The following CEP135 variants were observed in gnomAD, a reference collection of about 807,000 sequenced individuals.
CEP135 encodes centrosomal protein 135.
In CEP135, 142 loss-of-function variants were observed where a neutral mutation model predicts 157.3. The observed-to-expected ratio is 0.90, with a 90% confidence interval of 0.79 to 1.04. CEP135 has a LOEUF of 1.04. CEP135 is among the 50% of genes least tolerant of loss of function. The probability of loss-of-function intolerance (pLI) is 0.00; values close to 1 mark genes in which losing one functional copy is unlikely to be tolerated. For synonymous variants in CEP135, 396 were observed against 439.8 expected (o/e 0.90, Z 1.25); for missense variants, 1,317 against 1,309.2 (o/e 1.01, Z -0.09).
intron 10 of CEP135, among the ~76,000 whole-genome samples, chr4:55,973,842 C>G (rs1010927794): frequency 1.3e-5 from 2 of 152,140 alleles, no homozygotes; most frequent in African/African-American, 2.4e-5. Context: ...AACAAAACTG[C>G]TCTTGTTAAA....
chr4:56,025,216 A>G (rs1014835259), intron 25 of CEP135, among the ~76,000 whole-genome samples: 4 of 152,198 alleles, frequency 2.6e-5, no homozygotes, highest in African/African-American at 9.7e-5. Flanking sequence ...CCTGGGCTCA[A>G]GCAGTCCTCC....
chr4:55,958,721 C>G (rs1007264213), intron 5 of CEP135, among the ~76,000 whole-genome samples: 1 of 151,994 alleles, frequency 6.6e-6, no homozygotes, highest in Non-Finnish European at 1.5e-5. Context: ...AATGTTGGTT[C>G]CAGTTAACAT....
In CEP135 at chr4:55,954,368, G is replaced by T. The variant is rs749999636; in HGVS notation, c.457G>T (p.Val153Leu). The T allele has an allele frequency of 8.7e-6, 14 of 1,600,898 alleles. No homozygotes were observed. The highest frequency in any genetic ancestry group is 1.0e-5 in the Non-Finnish European group (12 of 1,176,168). ...ACTTCAAGAAAAGAATTTGCATGCT[G>T]TAGTACAAACTCCAGGTAAATCGAT... ...QQLQEKNLHA[V>L]VQTPGGKKRS... The change falls in exon 4 of 26, where the codon GTA becomes TTA. Residue 153 changes from valine (V) to leucine (L), a missense_variant. Transcript: ENST00000257287.
At chr4:55,984,780 T>G (rs546164046) in intron 13 of CEP135, among the ~76,000 whole-genome samples, 273 of 152,318 alleles carry the variant, frequency 1.8e-3, no homozygotes, top group Admixed American at 3.6e-3. Flanking sequence ...GATAAAGTAA[T>G]GTAACCAGAA....
intron 6 of CEP135, among the ~76,000 whole-genome samples, chr4:55,963,629 C>A (rs934777897): frequency 6.6e-6 from 1 of 152,102 alleles, no homozygotes; most frequent in South Asian, 2.1e-4. Flanking sequence ...ACCTGTAGTC[C>A]CAGCTACTCA....
chr4:56,011,015 C>CTTGA (rs1440924542), intron 19 of CEP135, among the ~76,000 whole-genome samples: 2 of 151,960 alleles, frequency 1.3e-5, no homozygotes, highest in Non-Finnish European at 2.9e-5. Context: ...GGGAGGATTG[C>CTTGA]TTGAGCCCAG....
intron 19 of CEP135, among the ~76,000 whole-genome samples, chr4:56,011,075 TA>T (rs928176477): frequency 6.8e-5 from 10 of 147,050 alleles, no homozygotes; most frequent in Non-Finnish European, 9.0e-5. Flanking sequence ...CTCAGAAAAT[TA>T]AAAAAAAAAA....
At chr4:55,979,940 A>T (rs1729344953) in intron 11 of CEP135, among the ~76,000 whole-genome samples, 1 of 152,200 alleles carries the variant, frequency 6.6e-6, no homozygotes, top group African/African-American at 2.4e-5. Flanking sequence ...TCTTCTGGGA[A>T]CTTGAAGGCC....
Position 55,971,421 on chromosome 4 carries a change from A to C in CEP135, c.1249+13A>C, listed in dbSNP as rs772964766. ...TTTGCAGTTACAGGTAAGATGTCAA[A>C]TTTTGATAGCTAAAGAATGATTGTG... is the stretch of plus-strand genomic sequence containing the variant. On this transcript the variant is annotated intron_variant, in intron 10 of 25. Coordinates refer to ENST00000257287, the MANE Select transcript of CEP135 (RefSeq NM_025009.5). The C allele has an allele frequency of 3.8e-6, 6 of 1,585,128 alleles. No individual in the cohort carries two copies. The highest frequency in any genetic ancestry group is 5.1e-6 in the Non-Finnish European group (6 of 1,170,986).
At chr4:55,968,219 C>T (rs1577873093) in intron 8 of CEP135, among the ~76,000 whole-genome samples, 2 of 152,162 alleles carry the variant, frequency 1.3e-5, no homozygotes, top group African/African-American at 4.8e-5. Context: ...ATGAAAAACC[C>T]TTACACTTGA....
At chr4:55,991,420 A>G (rs560034698) in intron 14 of CEP135, among the ~76,000 whole-genome samples, 57 of 146,682 alleles carry the variant, frequency 3.9e-4, no homozygotes, top group Non-Finnish European at 7.1e-4. Flanking sequence ...TGAATTTACT[A>G]TTATTTGAGG....
intron 8 of CEP135, among the ~76,000 whole-genome samples, chr4:55,968,683 G>T (rs1247009544): frequency 1.3e-5 from 2 of 152,092 alleles, no homozygotes; most frequent in South Asian, 4.1e-4. Flanking sequence ...TTTGATCTTG[G>T]CATTCTGTTC....
At chr4:56,005,719 CA>C (rs1347629635) in intron 17 of CEP135, among the ~76,000 whole-genome samples, 7 of 152,080 alleles carry the variant, frequency 4.6e-5, no homozygotes, top group African/African-American at 1.7e-4. Flanking sequence ...TTTCTTTTTG[CA>C]CGTTAGTTTT....
rs367944366 is a variant in CEP135 at position 55,981,191 on chromosome 4, AG to A, written c.1627-35del. On this transcript the variant is annotated intron_variant, in intron 12 of 25. Transcript: ENST00000257287. ...ATTTTTTATTTATATCTTTTACTAA[AG>A]TGCCTTTTTAATTTATATCTTTTCA... is the stretch of plus-strand genomic sequence containing the variant. The A allele has an allele frequency of 2.4e-4, 375 of 1,539,740 alleles. 3 individuals carry two copies. In the African/African-American group the frequency reaches 5.0e-3, roughly 20 times the overall value.
rs1729357311 is a variant in CEP135 at position 55,980,254 on chromosome 4, T to C, written c.1585T>C (p.Leu529=). The C allele has an allele frequency of 6.4e-7, 1 of 1,558,880 alleles. No homozygotes were observed. Among genetic ancestry groups the C allele is most frequent in the Non-Finnish European group, 8.8e-7 (1 of 1,132,168 alleles). The change falls in exon 12 of 26, where the codon TTG becomes CTG. Residue 529 remains leucine (L), a synonymous_variant. Coordinates refer to ENST00000257287, the MANE Select transcript of CEP135 (RefSeq NM_025009.5). ...MEDIQSNVKL[L]TAERDKLSVL... The stretch of plus-strand genomic sequence containing the variant: ...AGATATACAGTCCAATGTTAAATTA[T>C]TGACAGCAGAAAGAGATAAACTAAG...
At chr4:55,977,855 G>T (rs1445841041) in intron 11 of CEP135, among the ~76,000 whole-genome samples, 1 of 152,178 alleles carries the variant, frequency 6.6e-6, no homozygotes. Flanking sequence ...AGTTACCGGT[G>T]AATGGTTTAT....
intron 24 of CEP135, among the ~76,000 whole-genome samples, chr4:56,022,320 C>G (rs1018589167): frequency 6.6e-6 from 1 of 152,118 alleles, no homozygotes; most frequent in Non-Finnish European, 1.5e-5. Flanking sequence ...TACTATCCAC[C>G]TACATCATAC....
chr4:55,969,081 C>CT lies in CEP135; in HGVS notation c.1064dup (p.Ser356LeufsTer2), dbSNP rs1728932353. 4 of 1,612,572 alleles carry CT rather than the reference C, an allele frequency of 2.5e-6. No homozygotes were observed. In the South Asian group the frequency reaches 4.4e-5, roughly 18 times the overall value. ...TTCCTAGAAAGAGATTAAAAGAAAG[C>CT]TCTCTGAAATGCAGGATCTTGAAGA... On this transcript the variant is annotated frameshift_variant, in exon 9 of 26. Transcript: ENST00000257287. LOFTEE classifies it high-confidence loss of function.
In CEP135 at chr4:55,971,349, A is replaced by G. The variant is rs746403996; in HGVS notation, c.1190A>G (p.His397Arg). Reference sequence around the variant, plus strand: ...AAATCAGACCTAGAAACTGTTGTTCATCAGCTTGAACAAGAAAAGCAAAGA... The same window carrying G: ...AAATCAGACCTAGAAACTGTTGTTCGTCAGCTTGAACAAGAAAAGCAAAGA... The part of the protein sequence containing the change: ...LVKSDLETVV[H>R]QLEQEKQRLS... The change falls in exon 10 of 26, where the codon CAT becomes CGT. Residue 397 changes from histidine to arginine, a missense_variant. His to Arg is a conservative substitution (Grantham distance 29). Coordinates refer to ENST00000257287, the MANE Select transcript of CEP135 (RefSeq NM_025009.5). 4.4e-6 allele frequency: 7 copies of G among 1,607,272 alleles called. No homozygotes were observed. The highest frequency in any genetic ancestry group is 5.1e-6 in the Non-Finnish European group (6 of 1,177,322).
Sources: allele counts gnomAD v4.1 joint callset (sites outside exome capture counted in the v4.1 genomes callset), GRCh38; gene constraint gnomAD v4.1.1; transcripts MANE v1.5; gene names NCBI Gene and HGNC (gene_info 2026-07-23, HGNC 2026-07-21).